Variants in BRCA2 observed in about 807,000 individuals in gnomAD.
The protein encoded by BRCA2 is BRCA2 DNA repair associated, also known as breast cancer type 2 susceptibility protein.
A neutral mutation model predicts 276.7 loss-of-function variants in BRCA2; 203 were observed. The observed-to-expected ratio is 0.73, with a 90% CI of 0.65 to 0.82. BRCA2 has a LOEUF of 0.82. Among genes scored for constraint, BRCA2 ranks in the 40% least tolerant of loss-of-function variants. The pLI is 0.00. For missense variants in BRCA2, 3,920 were observed against 3,915.0 expected (o/e 1.00, Z -0.03); for synonymous variants, 1,289 against 1,338.4 (o/e 0.96, Z 0.81).
In BRCA2 at chr13:32,332,621, CAAA is replaced by C; in HGVS notation, c.1145_1147del (p.Lys382del). On this transcript the variant is annotated inframe_deletion, in exon 10 of 27. Coordinates refer to ENST00000380152, the MANE Select transcript of BRCA2 (RefSeq NM_000059.4). Reference sequence around the variant, plus strand: ...AGAAGCCCTTTGAGAGTGGAAGTGACAAAATCTCCAAGGAAGTTGTACCGTCTT... The same window carrying C: ...AGAAGCCCTTTGAGAGTGGAAGTGACATCTCCAAGGAAGTTGTACCGTCTT... The C allele has an allele frequency of 6.2e-7, 1 of 1,614,058 alleles. No homozygotes were observed. Among genetic ancestry groups the C allele is most frequent in the Non-Finnish European group, 8.5e-7 (1 of 1,179,962 alleles).
rs1411037688 is a variant in BRCA2, at chr13:32,336,532, T to C, written c.2177T>C (p.Val726Ala). ...QCENDPKSKK[V>A]SDIKEEVLAA... The stretch of plus-strand genomic sequence containing the variant: ...GAAAATGATCCAAAAAGCAAAAAAG[T>C]TTCAGATATAAAAGAAGAGGTCTTG... The change falls in exon 11 of 27, where the codon GTT becomes GCT. Residue 726 changes from valine to alanine, a missense_variant. Coordinates refer to ENST00000380152, the MANE Select transcript of BRCA2 (RefSeq NM_000059.4). 1.9e-6 allele frequency: 3 copies of C among 1,614,010 alleles called. No homozygotes were observed. In the South Asian group the frequency reaches 3.3e-5, roughly 18 times the overall value.
chr13:32,361,108 T>G (rs950691661), intron 16 of BRCA2, among the ~76,000 whole-genome samples: 1 of 152,114 alleles, frequency 6.6e-6, no homozygotes, highest in Non-Finnish European at 1.5e-5. Flanking sequence ...ATAAATCAAT[T>G]CACAAGTCAT....
Position 32,398,582 on chromosome 13 carries a change from A to G in BRCA2, c.10069A>G (p.Thr3357Ala), listed in dbSNP as rs786203411. 1 of 1,614,078 alleles carries G rather than the reference A, an allele frequency of 6.2e-7. No individual in the cohort carries two copies. Among genetic ancestry groups the G allele is most frequent in the Admixed American group, 1.7e-5 (1 of 59,998 alleles). ...INTQALLSGSTGEKQFISVSE... is the reference protein window; with the variant it reads ...INTQALLSGSAGEKQFISVSE... ...TACCCAAGCTCTTTTGTCTGGTTCA[A>G]CAGGAGAAAAACAATTTATATCTGT... is the stretch of plus-strand genomic sequence containing the variant. The change falls in exon 27 of 27, where the codon ACA becomes GCA. Residue 3357 changes from threonine (T) to alanine (A), a missense_variant. By Grantham distance (58) the Thr-to-Ala change is moderately conservative. Around this residue, in one of 2 missense-constraint regions of BRCA2, gnomAD observed 657 missense variants for 758.2 expected, o/e 0.87. Transcript: ENST00000380152.
intron 13 of BRCA2, among the ~76,000 whole-genome samples, chr13:32,350,285 A>G (rs1329955317): frequency 6.6e-6 from 1 of 152,172 alleles, no homozygotes; most frequent in East Asian, 1.9e-4. Context: ...TTCAAGGAGA[A>G]GAAAAAATGT....
At chr13:32,360,500 C>T (rs2072731231) in intron 16 of BRCA2, among the ~76,000 whole-genome samples, 1 of 152,052 alleles carries the variant, frequency 6.6e-6, no homozygotes, top group Non-Finnish European at 1.5e-5. Context: ...GCTGGGACTA[C>T]AGGCGCGCAC....
intron 18 of BRCA2, among the ~76,000 whole-genome samples, chr13:32,369,484 C>T (rs1193274717): frequency 6.6e-6 from 1 of 152,148 alleles, no homozygotes; most frequent in South Asian, 2.1e-4. Flanking sequence ...GGCTGAATAA[C>T]CTTGGGCAAG....
rs730881518 is a variant in BRCA2, at chr13:32,337,360, A to C, written c.3005A>C (p.Asn1002Thr). The change falls in exon 11 of 27, where the codon AAT becomes ACT. Residue 1002 changes from asparagine to threonine, a missense_variant. By Grantham distance (65) the Asn-to-Thr change is moderately conservative. Coordinates refer to ENST00000380152, the MANE Select transcript of BRCA2 (RefSeq NM_000059.4). Reference sequence around the variant, plus strand: ...GCAGGACTCTTAGGTCCAATTTCAAATCACAGTTTTGGAGGTAGCTTCAGA... The same window carrying C: ...GCAGGACTCTTAGGTCCAATTTCAACTCACAGTTTTGGAGGTAGCTTCAGA... The part of the protein sequence containing the change: ...KWAGLLGPIS[N>T]HSFGGSFRTA... The C allele has an allele frequency of 2.5e-6, 4 of 1,613,770 alleles. No individual in the cohort carries two copies. The Admixed American group carries it at 6.7e-5, about 27-fold the overall frequency.
rs1478233429 is a variant in BRCA2, at chr13:32,329,492, T to C, written c.681T>C (p.Ala227=). 1.3e-6 allele frequency: 2 copies of C among 1,592,494 alleles called. No homozygotes were observed. The highest frequency in any genetic ancestry group is 1.7e-6 in the Non-Finnish European group (2 of 1,162,484). The change falls in exon 8 of 27, where the codon GCT becomes GCC. Residue 227 remains alanine, a splice_region_variant and synonymous_variant. Transcript: ENST00000380152. ...CTGTATTTCCTCATGATACTACTGC[T>C]GTAAGTAAATATGACATTGATTAGA... is the stretch of plus-strand genomic sequence containing the variant. ...SETVFPHDTT[A]NVKSYFSNHD... is the part of the protein sequence containing the mutation.
intron 25 of BRCA2, among the ~76,000 whole-genome samples, chr13:32,395,772 A>G (rs2073031406): frequency 6.6e-6 from 1 of 152,062 alleles, no homozygotes; most frequent in Non-Finnish European, 1.5e-5. Flanking sequence ...ATAAAAATAT[A>G]TTTTAAAAGC....
In BRCA2 at chr13:32,340,006, T is replaced by C. The variant is rs80358788; in HGVS notation, c.5651T>C (p.Ile1884Thr). The C allele has an allele frequency of 3.1e-6, 5 of 1,612,748 alleles. No individual in the cohort carries two copies. The highest frequency in any genetic ancestry group is 3.4e-6 in the Non-Finnish European group (4 of 1,179,596). Residue 1884 changes from isoleucine to threonine, a missense_variant, in exon 11 of 27, where the codon ATT becomes ACT. Coordinates refer to ENST00000380152, the MANE Select transcript of BRCA2 (RefSeq NM_000059.4). ...GAAAACAACGAGAATAAATCAAAAA[T>C]TTGCCAAACGAAAATTATGGCAGGT... ...IKENNENKSKICQTKIMAGCY... is the reference protein window; with the variant it reads ...IKENNENKSKTCQTKIMAGCY...
intron 24 of BRCA2, among the ~76,000 whole-genome samples, chr13:32,382,161 C>T (rs922135661): frequency 6.6e-6 from 1 of 152,016 alleles, no homozygotes; most frequent in African/African-American, 2.4e-5. Context: ...ACCGTGTTAG[C>T]CAGAATGGTC....
At chr13:32,381,894 AG>A (rs2072926674) in intron 24 of BRCA2, among the ~76,000 whole-genome samples, 1 of 152,208 alleles carries the variant, frequency 6.6e-6, no homozygotes, top group South Asian at 2.1e-4. Flanking sequence ...TTTTGAAGGT[AG>A]GGGGACGGTG....
At chr13:32,322,681 A>G (rs1198001288) in intron 3 of BRCA2, among the ~76,000 whole-genome samples, 1 of 152,228 alleles carries the variant, frequency 6.6e-6, no homozygotes, top group African/African-American at 2.4e-5. Flanking sequence ...ACAGTGCTGC[A>G]GAGATTTTGT....
Position 32,347,801 on chromosome 13 carries a change from A to G in BRCA2, c.7007+905A>G, listed in dbSNP as rs146634222. 2.6e-5 allele frequency among the ~76,000 whole-genome samples: 4 copies of G among 152,294 alleles called. No individual in the cohort carries two copies. Among genetic ancestry groups the G allele is most frequent in the Admixed American group, 1.3e-4 (2 of 15,296 alleles). ...CCAAAAAATACTGACAGTTGAGGAT[A>G]CTCAGATGAAACAGTATAGCCAGTC... On this transcript the variant is annotated intron_variant, in intron 13 of 26. Transcript: ENST00000380152.
rs2072873469 is a variant in BRCA2 at position 32,376,604 on chromosome 13, G to A, written c.8633-66G>A. On this transcript the variant is annotated intron_variant, in intron 20 of 26. Transcript: ENST00000380152. ...CCCTTCTTTGGGTGTTTTATGCTTG[G>A]TTCTTTAGTTTTAGTTGCTTTTGAA... 8.4e-6 allele frequency: 13 copies of A among 1,551,954 alleles called. No homozygotes were observed. The African/African-American group carries it at 1.1e-4, about 13-fold the overall frequency.
chr13:32,343,524 G>A (rs989415892), intron 11 of BRCA2, among the ~76,000 whole-genome samples: 1 of 152,090 alleles, frequency 6.6e-6, no homozygotes, highest in African/African-American at 2.4e-5. Flanking sequence ...ATTCAATATA[G>A]GATTTACTTT....
rs80358568 is a variant in BRCA2, at chr13:32,325,082, A to C, written c.323A>C (p.Asn108Thr). 6.3e-7 allele frequency: 1 copy of C among 1,576,836 alleles called. No individual in the cohort carries two copies. The highest frequency in any genetic ancestry group is 1.3e-5 in the African/African-American group (1 of 74,102). ...LDKFKLDLGR[N>T]VPNSRHKSLR... ...AATTATTGTACTGTTTCAGGAAGGAATGTTCCCAATAGTAGACATAAAAGT... is the reference window on the plus strand; with the variant it reads ...AATTATTGTACTGTTTCAGGAAGGACTGTTCCCAATAGTAGACATAAAAGT... The change falls in exon 4 of 27, where the codon AAT becomes ACT. Residue 108 changes from asparagine to threonine, a missense_variant. Transcript: ENST00000380152.
rs80359009 is a variant in BRCA2 at position 32,362,543 on chromosome 13, G to A, written c.7826G>A (p.Gly2609Asp). ...EFYRALCDTPGVDPKLISRIW... is the reference protein window; with the variant it reads ...EFYRALCDTPDVDPKLISRIW... ...TTCAGGGCTCTGTGTGACACTCCAG[G>A]TGTGGATCCAAAGCTTATTTCTAGA... The change falls in exon 17 of 27, where the codon GGT becomes GAT. Residue 2609 changes from glycine (G) to aspartate (D), a missense_variant. Physicochemically the swap from Gly to Asp is moderately conservative, Grantham distance 94. Transcript: ENST00000380152. 1 of 1,613,894 alleles carries A rather than the reference G, an allele frequency of 6.2e-7. No individual in the cohort carries two copies. Among genetic ancestry groups the A allele is most frequent in the Non-Finnish European group, 8.5e-7 (1 of 1,179,844 alleles).
intron 3 of BRCA2, among the ~76,000 whole-genome samples, chr13:32,323,150 AATT>A (rs2072317783): frequency 8.0e-6 from 1 of 125,748 alleles, no homozygotes; most frequent in Non-Finnish European, 1.7e-5. Flanking sequence ...TGTTTTATTT[AATT>A]TTTTTTTTTT....
Sources: allele counts gnomAD v4.1 joint callset (sites outside exome capture counted in the v4.1 genomes callset), GRCh38; gene constraint gnomAD v4.1.1; regional missense constraint gnomAD v4.1.1; transcripts MANE v1.5; gene names NCBI Gene and HGNC (gene_info 2026-07-23, HGNC 2026-07-21).